Variants in EPS15 observed in about 807,000 individuals in gnomAD.
EPS15 encodes epidermal growth factor receptor substrate 15.
Under a neutral mutation model 113.8 loss-of-function variants are expected in EPS15, and 72 were observed. That is an observed-to-expected ratio of 0.63 (90% CI 0.52 to 0.77). The LOEUF is 0.77. Among genes scored for constraint, EPS15 ranks in the 30% least tolerant of loss-of-function variants. The pLI, the probability that EPS15 is intolerant of heterozygous loss-of-function variation, is 0.00. For synonymous variants in EPS15, 344 were observed against 363.4 expected (o/e 0.95, Z 0.61); for missense variants, 1,048 against 1,045.8 (o/e 1.00, Z -0.03).
chr1:51,461,041 T>G lies in EPS15; in HGVS notation c.561+50A>C, dbSNP rs1175424055. ...TGAACTAAAAGAGGAAATTTGCACA[T>G]GAGAAAATCATTAAGATAATGAAGA... is the stretch of plus-strand genomic sequence containing the variant. On this transcript the variant is annotated intron_variant, in intron 8 of 24. Transcript: ENST00000371733. 6.6e-6 allele frequency: 8 copies of G among 1,216,866 alleles called. No homozygotes were observed. In the African/African-American group the frequency reaches 1.0e-4, roughly 16 times the overall value. 75.4% of individuals were successfully genotyped at this position (1,216,866 alleles called of 1,614,324 possible).
chr1:51,476,516 T>C (rs1420308784), intron 2 of EPS15, among the ~76,000 whole-genome samples: 2 of 152,180 alleles, frequency 1.3e-5, no homozygotes, highest in Non-Finnish European at 2.9e-5. Context: ...TGATGGTATT[T>C]TGTATTTCTG....
chr1:51,389,050 A>T (rs1647182852), intron 21 of EPS15, among the ~76,000 whole-genome samples: 1 of 152,242 alleles, frequency 6.6e-6, no homozygotes, highest in Admixed American at 6.5e-5. Context: ...CTTGATGAAC[A>T]TTGATGCAAA....
At chr1:51,419,758 C>T (rs531119780) in intron 13 of EPS15, among the ~76,000 whole-genome samples, 3 of 152,176 alleles carry the variant, frequency 2.0e-5, no homozygotes, top group East Asian at 3.9e-4. Flanking sequence ...CATATTATTT[C>T]CAGTCTACAT....
intron 22 of EPS15, among the ~76,000 whole-genome samples, chr1:51,365,226 T>C (rs901637331): frequency 1.3e-5 from 2 of 152,228 alleles, no homozygotes; most frequent in Admixed American, 6.5e-5. Flanking sequence ...CAATTTTACA[T>C]TTATTTAGGT....
intron 8 of EPS15, among the ~76,000 whole-genome samples, chr1:51,453,530 C>CA (rs1300501736): frequency 1.3e-5 from 2 of 151,318 alleles, no homozygotes; most frequent in South Asian, 2.1e-4. Flanking sequence ...ACACACACAC[C>CA]AAAAAAAATC....
At chr1:51,371,418 C>T (rs953850597) in intron 21 of EPS15, among the ~76,000 whole-genome samples, 9 of 151,836 alleles carry the variant, frequency 5.9e-5, no homozygotes, top group Non-Finnish European at 1.2e-4. Context: ...TGGTCCTGAC[C>T]CCGTGCAGGC....
chr1:51,481,157 T>C (rs1644013561), intron 2 of EPS15, 116 bp downstream of exon 2: 4 of 699,688 alleles, frequency 5.7e-6, no homozygotes, highest in African/African-American at 5.5e-5. Flanking sequence ...AAACAAGATG[T>C]TGAAAACAAG....
chr1:51,438,225 G>A (rs1020809698), intron 12 of EPS15, among the ~76,000 whole-genome samples: 2 of 151,998 alleles, frequency 1.3e-5, no homozygotes, highest in Non-Finnish European at 2.9e-5. Context: ...TAAATATACC[G>A]CACATTTATA....
intron 21 of EPS15, among the ~76,000 whole-genome samples, chr1:51,387,230 G>C (rs1349967153): frequency 1.3e-5 from 2 of 151,964 alleles, no homozygotes; most frequent in African/African-American, 4.8e-5. Flanking sequence ...AGCTTCATAA[G>C]TGAAGGAGAA....
At chr1:51,434,840 T>C (rs1183933630) in intron 12 of EPS15, among the ~76,000 whole-genome samples, 1 of 151,952 alleles carries the variant, frequency 6.6e-6, no homozygotes, top group Admixed American at 6.6e-5. Context: ...CCCAGCTAAT[T>C]TTTGTATTTT....
chr1:51,447,494 T>A (rs983110651), intron 9 of EPS15, among the ~76,000 whole-genome samples: 2 of 152,286 alleles, frequency 1.3e-5, no homozygotes, highest in Admixed American at 6.5e-5. Flanking sequence ...ATAGCCAAAC[T>A]GGCTGATTTG....
chr1:51,478,667 T>C (rs1212330141), intron 2 of EPS15, among the ~76,000 whole-genome samples: 1 of 151,608 alleles, frequency 6.6e-6, no homozygotes, highest in Non-Finnish European at 1.5e-5. Context: ...ACAAAATCTC[T>C]CAGCATTTGC....
intron 12 of EPS15, among the ~76,000 whole-genome samples, chr1:51,429,833 T>G (rs1162219210): frequency 6.6e-6 from 1 of 152,072 alleles, no homozygotes. Context: ...GTATTTTTAG[T>G]AGAGATGGGG....
chr1:51,357,797 T>C (rs1463452279), intron 24 of EPS15, among the ~76,000 whole-genome samples: 1 of 151,098 alleles, frequency 6.6e-6, no homozygotes, highest in Non-Finnish European at 1.5e-5. Flanking sequence ...CTGGGTGCTA[T>C]GGAGCAATCT....
At chr1:51,488,486 A>AAAAAAACAAAAAAAC (rs1553135699) in intron 1 of EPS15, among the ~76,000 whole-genome samples, 25 of 150,568 alleles carry the variant, frequency 1.7e-4, no homozygotes, top group African/African-American at 6.1e-4. Flanking sequence ...AAAAAAAAAA[A>AAAAAAACAAAAAAAC]AAAAAAAAAA....
chr1:51,417,615 G>A (rs1218921247), intron 13 of EPS15, among the ~76,000 whole-genome samples: 3 of 152,214 alleles, frequency 2.0e-5, no homozygotes, highest in African/African-American at 4.8e-5. Flanking sequence ...AAGTGGATAC[G>A]TATTCCTTCC....
At chr1:51,496,387 C>A (rs914303577) in intron 1 of EPS15, among the ~76,000 whole-genome samples, 1 of 152,176 alleles carries the variant, frequency 6.6e-6, no homozygotes, top group African/African-American at 2.4e-5. Flanking sequence ...TGATAACACT[C>A]AGAGAAGTAT....
At chr1:51,357,417 T>A (rs1441443771) in intron 24 of EPS15, among the ~76,000 whole-genome samples, 1 of 64,806 alleles carries the variant, frequency 1.5e-5, no homozygotes, top group African/African-American at 8.6e-5. Flanking sequence ...TATATATATA[T>A]ATATATATAT....
chr1:51,510,869 A>G (rs1644606594), intron 1 of EPS15, among the ~76,000 whole-genome samples: 1 of 152,168 alleles, frequency 6.6e-6, no homozygotes, highest in Non-Finnish European at 1.5e-5. Context: ...TGGACCACAG[A>G]AAGTATGTAT....
Sources: gnomAD v4.1 joint callset for allele counts (sites outside exome capture counted in the v4.1 genomes callset) on GRCh38, gnomAD v4.1.1 for gene constraint, MANE v1.5 for transcripts, NCBI Gene and HGNC (gene_info 2026-07-23, HGNC 2026-07-21) for gene names.